Variants in ERBB4 observed in about 807,000 individuals in gnomAD.
ERBB4 encodes the protein receptor tyrosine-protein kinase erbB-4.
Under a neutral mutation model 158.0 loss-of-function variants are expected in ERBB4, and 42 were observed. The ratio of observed to expected loss-of-function variants is 0.27; its 90% CI spans 0.21 to 0.34. The LOEUF is 0.34. Among genes scored for constraint, ERBB4 ranks in the 10% least tolerant of loss-of-function variants. ERBB4 has a pLI of 1.00. For missense variants in ERBB4, 1,333 were observed against 1,624.1 expected, an observed-to-expected ratio of 0.82 and a Z score of 3.08; for synonymous variants, 583 against 558.7, an observed-to-expected ratio of 1.04 and a Z score of -0.61.
chr2:211,916,283 G>C (rs1481490574), intron 3 of ERBB4, among the ~76,000 whole-genome samples: 1 of 152,006 alleles, frequency 6.6e-6, no homozygotes. Flanking sequence ...GGGTTCAAGT[G>C]ATTCTCCTTC....
intron 1 of ERBB4, among the ~76,000 whole-genome samples, chr2:212,471,529 C>T (rs1689117812): frequency 6.6e-6 from 1 of 151,926 alleles, no homozygotes; most frequent in South Asian, 2.1e-4. Context: ...CCAATGCCTT[C>T]AATTTTACTT....
intron 5 of ERBB4, among the ~76,000 whole-genome samples, chr2:211,740,966 C>T (rs1055022747): frequency 3.3e-5 from 5 of 152,146 alleles, no homozygotes; most frequent in African/African-American, 1.2e-4. Flanking sequence ...TAATACATTT[C>T]AATAATTTTA....
chr2:211,426,695 C>T (rs1280663739), intron 22 of ERBB4, among the ~76,000 whole-genome samples: 1 of 151,154 alleles, frequency 6.6e-6, no homozygotes, highest in Non-Finnish European at 1.5e-5. Flanking sequence ...AGGAGACTGC[C>T]TATATATCTT....
intron 1 of ERBB4, among the ~76,000 whole-genome samples, chr2:212,201,024 C>T (rs929415540): frequency 3.3e-5 from 5 of 152,068 alleles, no homozygotes; most frequent in Non-Finnish European, 5.9e-5. Flanking sequence ...ATGTCTACTC[C>T]TTTAAATCCA....
At chr2:212,458,008 C>A (rs1688385621) in intron 1 of ERBB4, among the ~76,000 whole-genome samples, 1 of 151,820 alleles carries the variant, frequency 6.6e-6, no homozygotes, top group East Asian at 1.9e-4. Context: ...AAATAATGTT[C>A]TTCTATTGTA....
intron 3 of ERBB4, among the ~76,000 whole-genome samples, chr2:211,842,081 A>G (rs991495): frequency 0.22 from 33,032 of 151,966 alleles, 3,718 homozygotes; most frequent in South Asian, 0.33. Flanking sequence ...GTGATGGCAA[A>G]ACAGCAATTT....
chr2:211,689,550 T>C (rs548130506), intron 12 of ERBB4, among the ~76,000 whole-genome samples: 5 of 152,162 alleles, frequency 3.3e-5, no homozygotes, highest in Admixed American at 6.6e-5. Context: ...AAAAGTAGAA[T>C]ATGAATGACT....
At chr2:211,495,318 G>T (rs566526751) in intron 20 of ERBB4, among the ~76,000 whole-genome samples, 8 of 152,106 alleles carry the variant, frequency 5.3e-5, no homozygotes, top group African/African-American at 1.9e-4. Context: ...AAGATAGACT[G>T]AATATAATAA....
At chr2:211,548,950 C>A (rs953956) in intron 20 of ERBB4, among the ~76,000 whole-genome samples, 28,666 of 152,048 alleles carry the variant, frequency 0.19, 3,712 homozygotes, top group African/African-American at 0.37. Flanking sequence ...ATAGACTCTG[C>A]TAATCATTTT....
intron 20 of ERBB4, among the ~76,000 whole-genome samples, chr2:211,481,851 C>G (rs1005099845): frequency 6.6e-6 from 1 of 152,076 alleles, no homozygotes; most frequent in Non-Finnish European, 1.5e-5. Context: ...GATTTACTCT[C>G]CCAACTAACA....
In ERBB4 at chr2:212,096,969, G is replaced by A. The variant is rs577429463; in HGVS notation, c.234+27783C>T. ...TTGTTCCTCCTTCTATTAAGTTAACGGCTAAGGAAAAAACATGGAAAACAA... is the reference window on the plus strand; with the variant it reads ...TTGTTCCTCCTTCTATTAAGTTAACAGCTAAGGAAAAAACATGGAAAACAA... On this transcript the variant is annotated intron_variant, in intron 2 of 27. Coordinates refer to ENST00000342788, the MANE Select transcript of ERBB4 (RefSeq NM_005235.3). Among the ~76,000 whole-genome samples, 130 of 152,108 alleles carry A rather than the reference G, an allele frequency of 8.5e-4. 1 individual carries two copies. Among genetic ancestry groups the A allele is most frequent in the African/African-American group, 2.8e-3 (115 of 41,496 alleles).
chr2:212,231,036 T>C (rs1399338683), intron 1 of ERBB4, among the ~76,000 whole-genome samples: 1 of 152,192 alleles, frequency 6.6e-6, no homozygotes, highest in Non-Finnish European at 1.5e-5. Context: ...ATCTTCGAAA[T>C]ACAGTTAGAG....
chr2:212,192,652 C>A (rs977616492), intron 1 of ERBB4, among the ~76,000 whole-genome samples: 1 of 152,090 alleles, frequency 6.6e-6, no homozygotes, highest in Non-Finnish European at 1.5e-5. Flanking sequence ...TGGACAAAGG[C>A]CACATCTTTT....
chr2:211,984,389 T>C (rs2081885062), intron 2 of ERBB4, among the ~76,000 whole-genome samples: 1 of 152,196 alleles, frequency 6.6e-6, no homozygotes, highest in African/African-American at 2.4e-5. Flanking sequence ...AAAGTATCTT[T>C]ATAATAGCAT....
At chr2:211,509,542 G>A (rs577513581) in intron 20 of ERBB4, among the ~76,000 whole-genome samples, 1 of 151,982 alleles carries the variant, frequency 6.6e-6, no homozygotes, top group Non-Finnish European at 1.5e-5. Flanking sequence ...CCTTGGCAAA[G>A]AATTTAAAAC....
intron 21 of ERBB4, among the ~76,000 whole-genome samples, chr2:211,429,041 T>TA (rs763696012): frequency 1.1e-4 from 16 of 152,054 alleles, no homozygotes; most frequent in Non-Finnish European, 8.8e-5. Flanking sequence ...AAAAGCTTTA[T>TA]AAACAATTAA....
At chr2:212,043,304 G>T (rs1020982727) in intron 2 of ERBB4, among the ~76,000 whole-genome samples, 7 of 152,022 alleles carry the variant, frequency 4.6e-5, no homozygotes, top group Non-Finnish European at 8.8e-5. Flanking sequence ...TGTTTATTTT[G>T]CCTCAGGTCA....
At chr2:211,535,893 T>TTATGATA (rs1249453392) in intron 20 of ERBB4, 1 of 152,080 alleles carries the variant, frequency 6.6e-6, no homozygotes, top group Non-Finnish European at 1.5e-5. Flanking sequence ...TTGATAGTAA[T>TTATGATA]TATGATATTG....
At chr2:211,428,127 A>T (rs1333051684) in intron 22 of ERBB4, among the ~76,000 whole-genome samples, 1 of 152,002 alleles carries the variant, frequency 6.6e-6, no homozygotes, top group African/African-American at 2.4e-5. Context: ...AACCTAGATG[A>T]CGGGTTGATA....
Sources: allele counts gnomAD v4.1 joint callset (sites outside exome capture counted in the v4.1 genomes callset), GRCh38; gene constraint gnomAD v4.1.1; transcripts MANE v1.5; gene names NCBI Gene and HGNC (gene_info 2026-07-23, HGNC 2026-07-21).